Variants in DTNB observed in about 807,000 individuals in gnomAD.
DTNB encodes DTN-B.
In DTNB, 63 loss-of-function variants were observed where a neutral mutation model predicts 90.7. The observed-to-expected ratio is 0.69, with a 90% CI of 0.57 to 0.86. The LOEUF (loss-of-function observed/expected upper bound fraction) is 0.86. Among genes scored for constraint, DTNB ranks in the 40% least tolerant of loss-of-function variants. The pLI, the probability that DTNB is intolerant of heterozygous loss-of-function variation, is 0.00. For missense variants in DTNB, 744 were observed against 807.1 expected (o/e 0.92, Z 0.95); for synonymous variants, 277 against 286.7 (o/e 0.97, Z 0.34).
chr2:25,512,958 T>C (rs1463137122), intron 9 of DTNB, among the ~76,000 whole-genome samples: 1 of 152,216 alleles, frequency 6.6e-6, no homozygotes, highest in Non-Finnish European at 1.5e-5. Flanking sequence ...CCTCCTTCAT[T>C]CTACAGGCAG....
At chr2:25,482,976 C>A in intron 9 of DTNB, 103 bp from the exon 10 acceptor site, 1 of 1,159,792 alleles carries the variant, frequency 8.6e-7, no homozygotes, top group South Asian at 1.7e-5. Flanking sequence ...TCATCATTCG[C>A]GGTAAGCACA....
chr2:25,592,060 CAAA>C (rs1162292627), intron 6 of DTNB, among the ~76,000 whole-genome samples: 666 of 48,962 alleles, frequency 0.014, 4 homozygotes, highest in African/African-American at 0.037. Flanking sequence ...GACTCCATCT[CAAA>C]AAAAAAAAAA....
chr2:25,488,764 C>G (rs1269663690), intron 9 of DTNB, among the ~76,000 whole-genome samples: 1 of 152,160 alleles, frequency 6.6e-6, no homozygotes, highest in African/African-American at 2.4e-5. Context: ...GCGATTCCCC[C>G]CTCACCCTCC....
chr2:25,434,062 G>A (rs1574396392), intron 12 of DTNB, 67 bp from the exon 13 acceptor site: 2 of 1,428,648 alleles, frequency 1.4e-6, no homozygotes, highest in East Asian at 4.6e-5. Context: ...GTTCTAGATT[G>A]ACTGATTTTT....
intron 8 of DTNB, among the ~76,000 whole-genome samples, chr2:25,559,619 A>G (rs1489584856): frequency 6.6e-6 from 1 of 152,204 alleles, no homozygotes; most frequent in Non-Finnish European, 1.5e-5. Context: ...TCGTAGTGGG[A>G]TGAATGACGG....
intron 8 of DTNB, among the ~76,000 whole-genome samples, chr2:25,572,082 G>T (rs565979133): frequency 6.6e-6 from 1 of 152,150 alleles, no homozygotes; most frequent in African/African-American, 2.4e-5. Flanking sequence ...CAATTCAGTC[G>T]GTGCATCCAG....
intron 14 of DTNB, among the ~76,000 whole-genome samples, chr2:25,428,285 T>C (rs2052570213): frequency 6.6e-6 from 1 of 152,192 alleles, no homozygotes; most frequent in Non-Finnish European, 1.5e-5. Context: ...CTTTCTTCTT[T>C]ATATCCTGTA....
At chr2:25,672,208 AAAAAAAAAAAAAAAAAAAAAAAAAAAG>A (rs1312408786) in intron 1 of DTNB, among the ~76,000 whole-genome samples, 2 of 109,874 alleles carry the variant, frequency 1.8e-5, no homozygotes, top group African/African-American at 6.3e-5. Context: ...CATAGCAAAA[AAAAAAAAAAAAAAAAAAAAAAAAAAAG>A]AGGCAGAGAG....
chr2:25,502,130 A>G (rs2070872391), intron 9 of DTNB, among the ~76,000 whole-genome samples: 1 of 152,090 alleles, frequency 6.6e-6, no homozygotes. Context: ...GTCTGCAGTG[A>G]GCCGTGATTG....
At position 25,530,548 on chromosome 2, in the gene DTNB, C is replaced by A. The variant is rs572361427; in HGVS notation, c.1001+925G>T. On this transcript the variant is annotated intron_variant, in intron 9 of 20. Transcript: ENST00000406818. Reference sequence around the variant, plus strand: ...ATTAGTAGATTTAAAACCCAAAGGACAGCGAAGTGTGGGAGGGTATGTTGC... The same window carrying A: ...ATTAGTAGATTTAAAACCCAAAGGAAAGCGAAGTGTGGGAGGGTATGTTGC... Among the ~76,000 whole-genome samples, 116 of 152,250 alleles carry A rather than the reference C, an allele frequency of 7.6e-4. 1 individual carries two copies. The highest frequency in any genetic ancestry group is 2.7e-3 in the African/African-American group (111 of 41,546).
rs1169808182 is a variant in DTNB, at chr2:25,589,367, C to CTTTTTTTTTTTTTTTTTTTTTTTTTT, written c.603+6693_603+6718dup. Among the ~76,000 whole-genome samples, 4 of 57,546 alleles carry CTTTTTTTTTTTTTTTTTTTTTTTTTT rather than the reference C, an allele frequency of 7.0e-5. 1 individual carries two copies. Among genetic ancestry groups the CTTTTTTTTTTTTTTTTTTTTTTTTTT allele is most frequent in the African/African-American group, 1.6e-4 (2 of 12,292 alleles). 37.8% of individuals were successfully genotyped at this position (57,546 alleles called of 152,430 possible). A position where few individuals can be genotyped will look rare whatever the true frequency, so the allele number is the denominator to read the frequency against. ...GCTTATTCAGGTTTCTTTTTCTTTT[C>CTTTTTTTTTTTTTTTTTTTTTTTTTT]TTTTTTTTTTTTTTTTTTTTTTTTT... On this transcript the variant is annotated intron_variant, in intron 6 of 20. Transcript: ENST00000406818.
chr2:25,556,448 T>C (rs1004178676), intron 8 of DTNB, among the ~76,000 whole-genome samples: 1 of 152,170 alleles, frequency 6.6e-6, no homozygotes, highest in African/African-American at 2.4e-5. Flanking sequence ...TGGCTGGGCA[T>C]AAAATGAACA....
chr2:25,609,722 C>T (rs1017831817), intron 4 of DTNB, among the ~76,000 whole-genome samples: 1 of 127,128 alleles, frequency 7.9e-6, no homozygotes, highest in Non-Finnish European at 1.6e-5. Flanking sequence ...TTAAAAATAC[C>T]AAGGCTTAGG....
intron 8 of DTNB, among the ~76,000 whole-genome samples, chr2:25,552,241 G>A (rs2056419444): frequency 6.6e-6 from 1 of 152,238 alleles, no homozygotes; most frequent in Admixed American, 6.5e-5. Flanking sequence ...TCTACTCTGT[G>A]TGCTGCCTGC....
intron 8 of DTNB, among the ~76,000 whole-genome samples, chr2:25,571,531 A>G (rs1294529103): frequency 6.6e-6 from 1 of 152,104 alleles, no homozygotes; most frequent in African/African-American, 2.4e-5. Flanking sequence ...TACCCTGAAC[A>G]CTACCTCTTC....
At chr2:25,498,822 T>C (rs941543934) in intron 9 of DTNB, among the ~76,000 whole-genome samples, 1 of 122,206 alleles carries the variant, frequency 8.2e-6, no homozygotes, top group Non-Finnish European at 1.6e-5. Context: ...CACTCCAGTC[T>C]GTGCAACAGA....
At chr2:25,642,423 T>TC (rs1280094833) in intron 2 of DTNB, among the ~76,000 whole-genome samples, 1 of 151,470 alleles carries the variant, frequency 6.6e-6, no homozygotes, top group African/African-American at 2.4e-5. Flanking sequence ...GGACACTATT[T>TC]TTTTTTTTTT....
chr2:25,659,696 C>T (rs1382760194), intron 1 of DTNB, among the ~76,000 whole-genome samples: 1 of 151,872 alleles, frequency 6.6e-6, no homozygotes, highest in East Asian at 1.9e-4. Context: ...CAGAACTCGC[C>T]CAGGGTGAAA....
chr2:25,503,822 CAGG>C (rs2071496385), intron 9 of DTNB, among the ~76,000 whole-genome samples: 1 of 151,482 alleles, frequency 6.6e-6, no homozygotes, highest in South Asian at 2.1e-4. Flanking sequence ...GAGGCTGAGG[CAGG>C]AGAATGACGT....
Sources: allele counts gnomAD v4.1 joint callset (sites outside exome capture counted in the v4.1 genomes callset), GRCh38; gene constraint gnomAD v4.1.1; transcripts MANE v1.5; gene names NCBI Gene and HGNC (gene_info 2026-07-23, HGNC 2026-07-21).